The following TRPM6 variants were observed in gnomAD, a reference collection of about 807,000 sequenced individuals.
TRPM6 encodes transient receptor potential cation channel subfamily M member 6, also known as channel kinase 2.
Under a neutral mutation model 247.6 loss-of-function variants are expected in TRPM6, and 111 were observed. The ratio of observed to expected loss-of-function variants is 0.45; its 90% CI spans 0.38 to 0.52. The LOEUF is 0.52. Among genes scored for constraint, TRPM6 ranks in the 20% least tolerant of loss-of-function variants. The probability of loss-of-function intolerance (pLI) is 0.00; values close to 1 mark genes in which losing one functional copy is unlikely to be tolerated. For synonymous variants in TRPM6, 892 were observed against 853.8 expected (o/e 1.04, Z -0.78); for missense variants, 2,126 against 2,421.5 (o/e 0.88, Z 2.56).
rs574849221 is a variant in TRPM6 at position 74,735,986 on chromosome 9, T to C, written c.5776+2421A>G. On this transcript the variant is annotated intron_variant, in intron 36 of 38. Transcript: ENST00000360774. ...GCACACTGAGCAGGGCCTTCTTCTA[T>C]AGAAGCTGAAGCTGCAGTCTCTCTG... Among the ~76,000 whole-genome samples the C allele has an allele frequency of 5.3e-5, 8 of 152,328 alleles. No homozygotes were observed. In the East Asian group the frequency reaches 5.8e-4, roughly 11 times the overall value.
At chr9:74,862,096 G>GAAA (rs577562437) in intron 1 of TRPM6, among the ~76,000 whole-genome samples, 22,012 of 100,324 alleles carry the variant, frequency 0.22, 3,271 homozygotes, top group East Asian at 0.28. Context: ...AAAACTACCA[G>GAAA]AAAAAAAAAA....
chr9:74,855,098 A>G (rs1830483357), intron 3 of TRPM6, among the ~76,000 whole-genome samples: 1 of 152,244 alleles, frequency 6.6e-6, no homozygotes, highest in Non-Finnish European at 1.5e-5. Flanking sequence ...AAAGGTAAAA[A>G]CGGTCACATA....
rs117381414 is a variant in TRPM6, at chr9:74,808,248, A to T, written c.1498-74T>A. Reference sequence around the variant, plus strand: ...ATTTCTCTTGCCATGCCATTAGAACATAATCAAATTAATTGCAAGAAGGTA... The same window carrying T: ...ATTTCTCTTGCCATGCCATTAGAACTTAATCAAATTAATTGCAAGAAGGTA... On this transcript the variant is annotated intron_variant, in intron 13 of 38. Transcript: ENST00000360774. 8 of 1,580,292 alleles carry T rather than the reference A, an allele frequency of 5.1e-6. No homozygotes were observed. The East Asian group carries it at 1.3e-4, about 27-fold the overall frequency.
intron 7 of TRPM6, among the ~76,000 whole-genome samples, chr9:74,825,473 GTGTGTGTGTGTA>G (rs1829301512): frequency 6.6e-6 from 1 of 151,780 alleles, no homozygotes; most frequent in Non-Finnish European, 1.5e-5. Context: ...GTGTGTGTGT[GTGTGTGTGTGTA>G]TGTGTGTGTG....
intron 1 of TRPM6, among the ~76,000 whole-genome samples, chr9:74,868,151 A>AT (rs1830912623): frequency 6.6e-6 from 1 of 151,340 alleles, no homozygotes; most frequent in Non-Finnish European, 1.5e-5. Flanking sequence ...CTCCGCAAAA[A>AT]AAAAAAAAAC....
chr9:74,787,865 G>A (rs1191256178), intron 20 of TRPM6, among the ~76,000 whole-genome samples: 2 of 152,126 alleles, frequency 1.3e-5, no homozygotes, highest in African/African-American at 2.4e-5. Context: ...ACAGGTGCAT[G>A]CCACCATGCC....
chr9:74,804,045 C>A (rs926649249), intron 14 of TRPM6, among the ~76,000 whole-genome samples, 159 bp from the exon 15 acceptor site: 7 of 87,804 alleles, frequency 8.0e-5, no homozygotes. Context: ...AATATCCATG[C>A]CTCTGTTTCT....
At chr9:74,870,661 C>T (rs1001034745) in intron 1 of TRPM6, among the ~76,000 whole-genome samples, 31 of 152,252 alleles carry the variant, frequency 2.0e-4, no homozygotes, top group Admixed American at 1.5e-3. Context: ...CAGTGGCTCA[C>T]GCCTGTAATC....
chr9:74,757,426 C>T (rs1587474325), intron 27 of TRPM6, among the ~76,000 whole-genome samples: 1 of 150,594 alleles, frequency 6.6e-6, no homozygotes, highest in African/African-American at 2.4e-5. Context: ...ATCAGCTGGG[C>T]GGGGTGGCAC....
intron 19 of TRPM6, among the ~76,000 whole-genome samples, chr9:74,792,260 A>C (rs1377455383): frequency 6.6e-6 from 1 of 152,228 alleles, no homozygotes; most frequent in African/African-American, 2.4e-5. Flanking sequence ...TCACACTGTT[A>C]AGAAAAGAAT....
At chr9:74,796,675 AAG>A in intron 18 of TRPM6, 64 bp downstream of exon 18, 2 of 1,533,588 alleles carry the variant, frequency 1.3e-6, no homozygotes, top group Non-Finnish European at 1.8e-6. Flanking sequence ...AGTAAACTTT[AAG>A]GATGTGTATA....
chr9:74,814,852 G>A (rs2117928077), intron 11 of TRPM6, among the ~76,000 whole-genome samples: 1 of 152,292 alleles, frequency 6.6e-6, no homozygotes, highest in Non-Finnish European at 1.5e-5. Context: ...AGGAGGCTGA[G>A]GTGGGAGGAT....
chr9:74,861,043 G>A (rs1830678297), intron 1 of TRPM6, among the ~76,000 whole-genome samples: 2 of 151,994 alleles, frequency 1.3e-5, no homozygotes, highest in African/African-American at 4.8e-5. Context: ...AAGAAAGAAA[G>A]AAAGAAATGA....
chr9:74,861,270 C>T (rs906692258), intron 1 of TRPM6, among the ~76,000 whole-genome samples: 4 of 152,178 alleles, frequency 2.6e-5, no homozygotes, highest in Non-Finnish European at 4.4e-5. Flanking sequence ...TAGGCCCCCA[C>T]GCTGCATGCT....
chr9:74,884,846 T>C (rs1354803226), intron 1 of TRPM6, among the ~76,000 whole-genome samples: 2 of 152,072 alleles, frequency 1.3e-5, no homozygotes, highest in Non-Finnish European at 2.9e-5. Context: ...ATCAAAATGA[T>C]AGAAGAAATC....
chr9:74,753,105 T>A (rs1392192874), intron 28 of TRPM6, among the ~76,000 whole-genome samples: 1 of 108,992 alleles, frequency 9.2e-6, no homozygotes, highest in Non-Finnish European at 1.8e-5. Flanking sequence ...AGAGTGAGAC[T>A]GTCTCAAAAA....
Position 74,840,193 on chromosome 9 carries a change from A to T in TRPM6, c.375T>A (p.His125Gln). 1 of 1,614,136 alleles carries T rather than the reference A, an allele frequency of 6.2e-7. No individual in the cohort carries two copies. The highest frequency in any genetic ancestry group is 2.2e-5 in the East Asian group (1 of 44,884). Residue 125 changes from histidine (H) to glutamine (Q), a missense_variant, in exon 5 of 39, where the codon CAT becomes CAA. Physicochemically the swap from His to Gln is conservative, Grantham distance 24. Around this residue, in one of 3 missense-constraint regions of TRPM6, gnomAD observed 1,082 missense variants for 1,307.9 expected, o/e 0.83. Coordinates refer to ENST00000360774, the MANE Select transcript of TRPM6 (RefSeq NM_017662.5). ...CCATTTTCCACTCTTTCAACATTAA[A>T]TGTAACAGATGATCCAGTTTTGTAT... ...SYDTKLDHLL[H>Q]LMLKEWKMEL...
chr9:74,819,008 G>A lies in TRPM6; in HGVS notation c.1134+1296C>T, dbSNP rs535011696. Among the ~76,000 whole-genome samples, 5 of 152,150 alleles carry A rather than the reference G, an allele frequency of 3.3e-5. No individual in the cohort carries two copies. The South Asian group carries it at 1.0e-3, about 32-fold the overall frequency. ...TCAGCTTCATATCATCTGAGTCATTGATATGAATTGATAATTCAGCCGGGC... is the reference window on the plus strand; with the variant it reads ...TCAGCTTCATATCATCTGAGTCATTAATATGAATTGATAATTCAGCCGGGC... On this transcript the variant is annotated intron_variant, in intron 9 of 38. Coordinates refer to ENST00000360774, the MANE Select transcript of TRPM6 (RefSeq NM_017662.5).
At position 74,827,867 on chromosome 9, in the gene TRPM6, G is replaced by C; in HGVS notation, c.752C>G (p.Ser251Cys). 6.2e-7 allele frequency: 1 copy of C among 1,614,070 alleles called. No homozygotes were observed. Among genetic ancestry groups the C allele is most frequent in the Non-Finnish European group, 8.5e-7 (1 of 1,179,992 alleles). The change falls in exon 7 of 39, where the codon TCT becomes TGT. Residue 251 changes from serine to cysteine, a missense_variant. Physicochemically the swap from Ser to Cys is moderately radical, Grantham distance 112. Transcript: ENST00000360774. ...ATACTTGCCCACGGTCCCATCATCA[G>C]ACAGGATGAAGTGCGAGTGCATGCT... ...LNSMHSHFIL[S>C]DDGTVGKYGN...
Sources: allele counts gnomAD v4.1 joint callset (sites outside exome capture counted in the v4.1 genomes callset), GRCh38; gene constraint gnomAD v4.1.1; regional missense constraint gnomAD v4.1.1; transcripts MANE v1.5; gene names NCBI Gene and HGNC (gene_info 2026-07-23, HGNC 2026-07-21).